The following LPP variants were observed in gnomAD, a reference collection of about 807,000 sequenced individuals.
LPP encodes lipoma-preferred partner.
Under a neutral mutation model 60.4 loss-of-function variants are expected in LPP, and 38 were observed. That is an observed-to-expected ratio of 0.63 (90% CI 0.49 to 0.83). LPP has a LOEUF of 0.83. Ranked by LOEUF, LPP falls within the 40% of genes least tolerant of loss-of-function variation. The pLI, the probability that LPP is intolerant of heterozygous loss-of-function variation, is 0.00. For synonymous variants in LPP, 328 were observed against 290.8 expected, an observed-to-expected ratio of 1.13 and a Z score of -1.30; for missense variants, 902 against 783.6, an observed-to-expected ratio of 1.15 and a Z score of -1.80.
intron 9 of LPP, among the ~76,000 whole-genome samples, chr3:188,865,869 G>T (rs1766446860): frequency 1.3e-5 from 2 of 152,148 alleles, no homozygotes; most frequent in Admixed American, 6.5e-5. Flanking sequence ...AAGGAACAAG[G>T]ATAGCAGTCA....
At chr3:188,535,525 G>T (rs1823334766) in intron 6 of LPP, among the ~76,000 whole-genome samples, 1 of 152,138 alleles carries the variant, frequency 6.6e-6, no homozygotes, top group Non-Finnish European at 1.5e-5. Flanking sequence ...AATAGATATA[G>T]AGTTAGCACA....
chr3:188,451,945 C>T (rs1323009201), intron 4 of LPP, among the ~76,000 whole-genome samples: 1 of 152,142 alleles, frequency 6.6e-6, no homozygotes, highest in Non-Finnish European at 1.5e-5. Flanking sequence ...CAAGACAGAA[C>T]ACTAGGAGAT....
intron 8 of LPP, among the ~76,000 whole-genome samples, chr3:188,714,148 T>C (rs1281881367): frequency 6.6e-6 from 1 of 152,152 alleles, no homozygotes; most frequent in Non-Finnish European, 1.5e-5. Flanking sequence ...ATTTTGGAAT[T>C]TGGCCTCACT....
intron 1 of LPP, chr3:188,180,126 C>G (rs1248952470): frequency 6.5e-6 from 1 of 152,758 alleles, no homozygotes; most frequent in East Asian, 1.9e-4. Flanking sequence ...TCCTGCTCTC[C>G]CTGGCGTGGG....
At chr3:188,297,679 A>T in intron 2 of LPP, among the ~76,000 whole-genome samples, 1 of 152,202 alleles carries the variant, frequency 6.6e-6, no homozygotes, top group Non-Finnish European at 1.5e-5. Flanking sequence ...TATTAATACA[A>T]AAGTCATTAT....
At chr3:188,681,269 C>T (rs1051030278) in intron 7 of LPP, among the ~76,000 whole-genome samples, 10 of 152,194 alleles carry the variant, frequency 6.6e-5, no homozygotes, top group Non-Finnish European at 1.3e-4. Context: ...GTTGGGATTA[C>T]AGGCGTGAGC....
At chr3:188,291,046 T>G (rs975613163) in intron 2 of LPP, among the ~76,000 whole-genome samples, 1 of 152,194 alleles carries the variant, frequency 6.6e-6, no homozygotes, top group African/African-American at 2.4e-5. Context: ...AGGTAATACA[T>G]TCTAACATAT....
chr3:188,680,854 C>G (rs62290008), intron 7 of LPP, among the ~76,000 whole-genome samples: 16,219 of 152,184 alleles, frequency 0.11, 1,119 homozygotes, highest in Non-Finnish European at 0.15. Context: ...CAAGTTTTAT[C>G]TTTCATACTC....
rs186751140 is a variant in LPP at position 188,888,307 on chromosome 3, G to A, written c.*13828G>A. 104 of 227,040 alleles carry A rather than the reference G, an allele frequency of 4.6e-4. No individual in the cohort carries two copies. Among genetic ancestry groups the A allele is most frequent in the South Asian group, 2.7e-3 (15 of 5,476 alleles). The allele number at this position is 227,040 out of a possible 1,614,324, so 14.1% of individuals were successfully genotyped here. A position where few individuals can be genotyped will look rare whatever the true frequency, so the allele number is the denominator to read the frequency against. On this transcript the variant is annotated 3_prime_UTR_variant, in exon 12 of 12. Transcript: ENST00000617246. ...ATCTGTGCCATGAAGTAGATGTGGC[G>A]TGAAGATACAGAGCCTGAGGATAGT...
intron 1 of LPP, among the ~76,000 whole-genome samples, chr3:188,167,882 A>G (rs114739283): frequency 0.015 from 2,341 of 152,306 alleles, 67 homozygotes; most frequent in African/African-American, 0.054. Flanking sequence ...TTAATTTTAT[A>G]ACTTGCATTT....
chr3:188,178,961 A>G (rs2148878303), intron 1 of LPP: 1 of 260,924 alleles, frequency 3.8e-6, no homozygotes, highest in Non-Finnish European at 7.7e-6. Context: ...AGAGGTGGGG[A>G]GTGGGAGAGA....
chr3:188,828,735 A>G (rs1488769381), intron 9 of LPP, among the ~76,000 whole-genome samples: 2 of 151,318 alleles, frequency 1.3e-5, no homozygotes, highest in Admixed American at 6.6e-5. Context: ...GTCATTAGGG[A>G]AACTAGTATC....
At chr3:188,159,740 A>G (rs1240335363) in intron 1 of LPP, among the ~76,000 whole-genome samples, 1 of 152,212 alleles carries the variant, frequency 6.6e-6, no homozygotes, top group Non-Finnish European at 1.5e-5. Context: ...CAGTCCTGCC[A>G]GCAGAGTGAA....
intron 9 of LPP, among the ~76,000 whole-genome samples, chr3:188,792,018 C>G (rs1424019099): frequency 6.6e-6 from 1 of 152,166 alleles, no homozygotes; most frequent in Non-Finnish European, 1.5e-5. Flanking sequence ...TAAGACAACA[C>G]AGACCCTAAG....
intron 5 of LPP, among the ~76,000 whole-genome samples, chr3:188,497,205 A>G (rs1810490030): frequency 1.3e-5 from 2 of 152,058 alleles, no homozygotes; most frequent in Admixed American, 1.3e-4. Context: ...TCCTACAGCC[A>G]CTTCCTCTCT....
intron 7 of LPP, among the ~76,000 whole-genome samples, chr3:188,667,978 T>G (rs1402069111): frequency 6.6e-6 from 1 of 152,072 alleles, no homozygotes; most frequent in Non-Finnish European, 1.5e-5. Context: ...AGTCATTCCA[T>G]GCACTTAAAC....
chr3:188,435,420 G>T (rs7431346), intron 4 of LPP, among the ~76,000 whole-genome samples: 17,523 of 152,032 alleles, frequency 0.12, 1,425 homozygotes, highest in East Asian at 0.34. Context: ...ATAAGGTGAG[G>T]TTTGATTAAA....
At chr3:188,396,566 C>T (rs1276182789) in intron 3 of LPP, among the ~76,000 whole-genome samples, 3 of 152,146 alleles carry the variant, frequency 2.0e-5, no homozygotes, top group Non-Finnish European at 4.4e-5. Context: ...GCTAGATAAC[C>T]GTTAAAGAGA....
intron 2 of LPP, among the ~76,000 whole-genome samples, chr3:188,278,257 A>G (rs1740698076): frequency 6.6e-6 from 1 of 152,198 alleles, no homozygotes; most frequent in Non-Finnish European, 1.5e-5. Context: ...GCAGGGTCAG[A>G]CTTAGAAACT....
Sources: allele counts gnomAD v4.1 joint callset (sites outside exome capture counted in the v4.1 genomes callset), GRCh38; gene constraint gnomAD v4.1.1; transcripts MANE v1.5; gene names NCBI Gene and HGNC (gene_info 2026-07-23, HGNC 2026-07-21).